Variants in UGT1A8 observed in about 807,000 individuals in gnomAD.
The protein encoded by UGT1A8 is UDP-glucuronosyltransferase 1A8.
UGT1A8 carries 39 observed loss-of-function variants against 45.3 expected under a neutral mutation model. The observed-to-expected ratio is 0.86, with a 90% CI of 0.67 to 1.12. The LOEUF (loss-of-function observed/expected upper bound fraction) is 1.12. Among genes scored for constraint, UGT1A8 ranks in the 50% most tolerant of loss-of-function variants. The pLI is 0.00. For synonymous variants in UGT1A8, 275 were observed against 249.2 expected, an observed-to-expected ratio of 1.10 and a Z score of -0.97; for missense variants, 719 against 664.9, an observed-to-expected ratio of 1.08 and a Z score of -0.90.
chr2:233,658,716 C>T (rs2073905301), intron 1 of UGT1A8, among the ~76,000 whole-genome samples: 1 of 152,200 alleles, frequency 6.6e-6, no homozygotes, highest in African/African-American at 2.4e-5. Context: ...GGATAGCCAA[C>T]TCTTGAAAAG....
chr2:233,760,308 C>G (rs780253764), intron 1 of UGT1A8: 1 of 1,613,678 alleles, frequency 6.2e-7, no homozygotes. Flanking sequence ...AGTCCCAGGG[C>G]GGACGCCCAC....
chr2:233,693,483 C>G, intron 1 of UGT1A8: 1 of 1,614,168 alleles, frequency 6.2e-7, no homozygotes, highest in Non-Finnish European at 8.5e-7. Flanking sequence ...GTGATCCTGG[C>G]TGAGTATTTG....
At chr2:233,709,179 T>C (rs1190184795) in intron 1 of UGT1A8, among the ~76,000 whole-genome samples, 1 of 152,148 alleles carries the variant, frequency 6.6e-6, no homozygotes, top group African/African-American at 2.4e-5. Context: ...TGTTCTATCC[T>C]GAGCTGGGAG....
At chr2:233,764,440 T>C (rs763083993) in intron 1 of UGT1A8, among the ~76,000 whole-genome samples, 3 of 152,220 alleles carry the variant, frequency 2.0e-5, no homozygotes, top group Non-Finnish European at 2.9e-5. Context: ...TGAACTTTTG[T>C]GCCATTTAAA....
At chr2:233,736,960 T>C (rs1472477561) in intron 1 of UGT1A8, among the ~76,000 whole-genome samples, 1 of 152,166 alleles carries the variant, frequency 6.6e-6, no homozygotes, top group Non-Finnish European at 1.5e-5. Context: ...TGGCCCCTAC[T>C]GGGAGGTGTT....
intron 1 of UGT1A8, among the ~76,000 whole-genome samples, chr2:233,711,380 C>T (rs555882590): frequency 7.9e-5 from 12 of 152,364 alleles, no homozygotes; most frequent in Admixed American, 7.8e-4. Flanking sequence ...AGAGCACCCT[C>T]CCAGGTGTGT....
intron 1 of UGT1A8, among the ~76,000 whole-genome samples, chr2:233,756,852 C>T (rs11568318): frequency 6.6e-5 from 10 of 152,088 alleles, no homozygotes; most frequent in East Asian, 1.9e-4. Flanking sequence ...AACATTCTAA[C>T]GGTTCATAAA....
intron 1 of UGT1A8, chr2:233,760,668 T>C: frequency 6.2e-7 from 1 of 1,614,252 alleles, no homozygotes; most frequent in Non-Finnish European, 8.5e-7. Context: ...TGTCTGGCTG[T>C]TCCCACTTAC....
chr2:233,706,366 C>T (rs775485067), intron 1 of UGT1A8, among the ~76,000 whole-genome samples: 1 of 152,190 alleles, frequency 6.6e-6, no homozygotes, highest in East Asian at 1.9e-4. Context: ...CCAATTTAGG[C>T]CATTGTACAA....
chr2:233,748,074 T>C lies in UGT1A8; in HGVS notation c.856-18960T>C, dbSNP rs1392402990. 2.5e-6 allele frequency: 4 copies of C among 1,613,184 alleles called. No individual in the cohort carries two copies. The East Asian group carries it at 8.9e-5, about 36-fold the overall frequency. On this transcript the variant is annotated intron_variant, in intron 1 of 4. Transcript: ENST00000373450. ...CAACTGTGCCAACAGGAAGCCACTA[T>C]CTCAGGTCGGTGTTCGTGCCTTCAT...
At chr2:233,713,077 G>A (rs1466431854) in intron 1 of UGT1A8, 1 of 1,614,196 alleles carries the variant, frequency 6.2e-7, no homozygotes, top group South Asian at 1.1e-5. Flanking sequence ...GCTGAGAGTG[G>A]GAAGGTGCTG....
chr2:233,717,108 A>C (rs1447260026), intron 1 of UGT1A8, among the ~76,000 whole-genome samples: 3 of 152,264 alleles, frequency 2.0e-5, no homozygotes, highest in East Asian at 3.9e-4. Context: ...TCTAAATAAA[A>C]CACCACTACA....
chr2:233,624,385 A>G (rs1464811161), intron 1 of UGT1A8, among the ~76,000 whole-genome samples: 1 of 152,058 alleles, frequency 6.6e-6, no homozygotes, highest in African/African-American at 2.4e-5. Flanking sequence ...CATTTTTATC[A>G]TGGTTAAACT....
At chr2:233,771,873 A>C (rs912640618) in intron 4 of UGT1A8, among the ~76,000 whole-genome samples, 1 of 150,972 alleles carries the variant, frequency 6.6e-6, no homozygotes, top group African/African-American at 2.4e-5. Context: ...ACATTTATTA[A>C]GAATAAGTTT....
chr2:233,692,797 C>T (rs925616937), intron 1 of UGT1A8: 53 of 1,378,306 alleles, frequency 3.8e-5, no homozygotes, highest in Middle Eastern at 2.7e-4. Flanking sequence ...AAAGCTGACA[C>T]GGCCATAGTT....
At position 233,672,196 on chromosome 2, in the gene UGT1A8, C is replaced by T. The variant is rs143487779; in HGVS notation, c.855+53634C>T. The stretch of plus-strand genomic sequence containing the variant: ...TTCATATACCCTGGAGGATCTGGAC[C>T]GGGAGTTCAAGGCTTTTGCCCATGC... On this transcript the variant is annotated intron_variant, in intron 1 of 4. Coordinates refer to ENST00000373450, the MANE Select transcript of UGT1A8 (RefSeq NM_019076.5). The T allele has an allele frequency of 1.0e-3, 1,662 of 1,614,084 alleles. 1 individual carries two copies. Among genetic ancestry groups the T allele is most frequent in the Non-Finnish European group, 1.3e-3 (1,536 of 1,180,004 alleles).
At chr2:233,690,588 GA>G (rs144486213) in intron 1 of UGT1A8, 260,204 of 1,069,074 alleles carry the variant, frequency 0.24, 16,694 homozygotes, top group Non-Finnish European at 0.26. Flanking sequence ...CAATCCCTGA[GA>G]AAAAAAAAAA....
chr2:233,645,959 C>A (rs1183859720), intron 1 of UGT1A8, among the ~76,000 whole-genome samples: 1 of 152,244 alleles, frequency 6.6e-6, no homozygotes, highest in Non-Finnish European at 1.5e-5. Flanking sequence ...AGCAGAGGTT[C>A]TCTGTGAGGG....
At chr2:233,654,964 A>G (rs2073823950) in intron 1 of UGT1A8, among the ~76,000 whole-genome samples, 1 of 152,092 alleles carries the variant, frequency 6.6e-6, no homozygotes, top group Non-Finnish European at 1.5e-5. Flanking sequence ...TATGGCGGGC[A>G]TCTGTAATCA....
Sources: gnomAD v4.1 joint callset for allele counts (sites outside exome capture counted in the v4.1 genomes callset) on GRCh38, gnomAD v4.1.1 for gene constraint, MANE v1.5 for transcripts, NCBI Gene and HGNC (gene_info 2026-07-23, HGNC 2026-07-21) for gene names.